NPSR1: variants seen among roughly 807,000 people sequenced by gnomAD.
NPSR1 encodes neuropeptide S receptor.
In NPSR1, 48 loss-of-function variants were observed where a neutral mutation model predicts 46.9. The observed-to-expected ratio is 1.02, with a 90% CI of 0.81 to 1.30. The LOEUF (loss-of-function observed/expected upper bound fraction) is 1.30. Among genes scored for constraint, NPSR1 ranks in the 50% most tolerant of loss-of-function variants. The pLI, the probability that NPSR1 is intolerant of heterozygous loss-of-function variation, is 0.00. For missense variants in NPSR1, 450 were observed against 449.5 expected, an observed-to-expected ratio of 1.00 and a Z score of -0.01; for synonymous variants, 176 against 168.1, an observed-to-expected ratio of 1.05 and a Z score of -0.36.
At chr7:34,689,593 A>T (rs1156969588) in intron 2 of NPSR1, among the ~76,000 whole-genome samples, 5 of 104,358 alleles carry the variant, frequency 4.8e-5, no homozygotes, top group Non-Finnish European at 7.1e-5. Flanking sequence ...TGACAGAGCC[A>T]GACTCTGTCT....
intron 8 of NPSR1, among the ~76,000 whole-genome samples, chr7:34,858,019 C>T (rs1791088883): frequency 6.6e-6 from 1 of 151,800 alleles, no homozygotes; most frequent in African/African-American, 2.4e-5. Flanking sequence ...ATTGGCCTAA[C>T]TTAAAACCTT....
Position 34,658,578 on chromosome 7 carries a change from A to T in NPSR1, c.147+19A>T, listed in dbSNP as rs1427410603. On this transcript the variant is annotated intron_variant, in intron 1 of 8. Transcript: ENST00000360581. ...CTTTAAGGTAAGTTTCTTGCCTGCG[A>T]CTCTGAACACTGACTTATAACAATG... 6.2e-7 allele frequency: 1 copy of T among 1,611,526 alleles called. No homozygotes were observed.
At chr7:34,766,192 C>G (rs190421808) in intron 2 of NPSR1, among the ~76,000 whole-genome samples, 16 of 152,306 alleles carry the variant, frequency 1.1e-4, no homozygotes, top group African/African-American at 3.8e-4. Flanking sequence ...AACACACTGA[C>G]AGTCCTGAGT....
chr7:34,672,694 T>A (rs961932896), intron 1 of NPSR1, among the ~76,000 whole-genome samples: 5 of 152,186 alleles, frequency 3.3e-5, no homozygotes, highest in African/African-American at 1.2e-4. Context: ...CAGAGTCCAC[T>A]GAATCACTTT....
chr7:34,689,740 C>T (rs1056702574), intron 2 of NPSR1, among the ~76,000 whole-genome samples: 5 of 150,992 alleles, frequency 3.3e-5, no homozygotes, highest in South Asian at 2.1e-4. Context: ...CTTAGGAATT[C>T]GTAACCAACC....
intron 6 of NPSR1, among the ~76,000 whole-genome samples, chr7:34,835,190 G>T: frequency 6.6e-6 from 1 of 152,190 alleles, no homozygotes; most frequent in East Asian, 1.9e-4. Context: ...TGATAGGTCT[G>T]CAGAAGAAGA....
intron 8 of NPSR1, among the ~76,000 whole-genome samples, chr7:34,860,090 C>G (rs1472097583): frequency 6.6e-6 from 1 of 151,308 alleles, no homozygotes; most frequent in Non-Finnish European, 1.5e-5. Flanking sequence ...ATTTTTTTCA[C>G]ATAAAGATGG....
intron 6 of NPSR1, among the ~76,000 whole-genome samples, chr7:34,840,278 G>T (rs891568634): frequency 8.5e-5 from 13 of 152,172 alleles, no homozygotes; most frequent in Non-Finnish European, 1.8e-4. Context: ...ACATTCTGGA[G>T]AATACAGAGT....
At chr7:34,772,220 T>A (rs1025635526) in intron 2 of NPSR1, among the ~76,000 whole-genome samples, 1 of 152,204 alleles carries the variant, frequency 6.6e-6, no homozygotes, top group Non-Finnish European at 1.5e-5. Context: ...TTTTCCAATA[T>A]TCAGAAAGCA....
chr7:34,862,369 C>A (rs985970986), intron 8 of NPSR1, among the ~76,000 whole-genome samples: 4 of 151,716 alleles, frequency 2.6e-5, no homozygotes, highest in Non-Finnish European at 5.9e-5. Flanking sequence ...GCCCTGGGGC[C>A]TCCTCTGAAC....
intron 1 of NPSR1, among the ~76,000 whole-genome samples, chr7:34,665,576 T>C (rs919494768): frequency 6.6e-6 from 1 of 152,194 alleles, no homozygotes; most frequent in African/African-American, 2.4e-5. Context: ...TGTCTTACCA[T>C]AGTCTGAGGA....
chr7:34,658,975 G>A (rs113923898), intron 1 of NPSR1, among the ~76,000 whole-genome samples: 17 of 152,332 alleles, frequency 1.1e-4, no homozygotes, highest in African/African-American at 3.6e-4. Flanking sequence ...CCAGGACAGT[G>A]ACTGATATGA....
chr7:34,712,477 T>G (rs1052807801), intron 2 of NPSR1, among the ~76,000 whole-genome samples: 1 of 152,170 alleles, frequency 6.6e-6, no homozygotes, highest in African/African-American at 2.4e-5. Flanking sequence ...GAGCATGCAG[T>G]TAGTTACAAT....
intron 4 of NPSR1, among the ~76,000 whole-genome samples, chr7:34,821,334 T>G (rs1286558663): frequency 1.3e-5 from 2 of 152,030 alleles, no homozygotes; most frequent in African/African-American, 4.8e-5. Flanking sequence ...TTCACCGTGT[T>G]GGCCAGGCTG....
chr7:34,756,900 G>A (rs1444621273), intron 2 of NPSR1, among the ~76,000 whole-genome samples: 38 of 152,184 alleles, frequency 2.5e-4, no homozygotes, highest in Admixed American at 2.5e-3. Context: ...TGAGCCACAT[G>A]CTTTATATGC....
At chr7:34,792,569 ATATGTG>A (rs59831346) in intron 3 of NPSR1, among the ~76,000 whole-genome samples, 18,837 of 109,688 alleles carry the variant, frequency 0.17, 1,807 homozygotes, top group African/African-American at 0.27. Flanking sequence ...ACATATATAT[ATATGTG>A]TGTGTGTATA....
chr7:34,723,742 A>G (rs1173039368), intron 2 of NPSR1, among the ~76,000 whole-genome samples: 1 of 152,130 alleles, frequency 6.6e-6, no homozygotes, highest in Non-Finnish European at 1.5e-5. Context: ...CCTGTGCTCA[A>G]GCAATCCCTT....
chr7:34,693,609 T>A (rs1002771296), intron 2 of NPSR1, among the ~76,000 whole-genome samples: 8 of 152,296 alleles, frequency 5.3e-5, no homozygotes, highest in African/African-American at 1.9e-4. Flanking sequence ...TTCCAAAACA[T>A]GAATGTGAAG....
intron 2 of NPSR1, among the ~76,000 whole-genome samples, chr7:34,730,206 G>A (rs33956262): frequency 0.048 from 7,272 of 152,276 alleles, 237 homozygotes; most frequent in East Asian, 0.11. Context: ...TTAATGGTCA[G>A]AAACAAATCA....
Sources: allele counts gnomAD v4.1 joint callset (sites outside exome capture counted in the v4.1 genomes callset), GRCh38; gene constraint gnomAD v4.1.1; transcripts MANE v1.5; gene names NCBI Gene and HGNC (gene_info 2026-07-23, HGNC 2026-07-21).